CATSPERE: variants seen among roughly 807,000 people sequenced by gnomAD.
CATSPERE encodes cation channel sperm-associated auxiliary subunit epsilon.
CATSPERE carries 93 observed loss-of-function variants against 114.1 expected under a neutral mutation model. The ratio of observed to expected loss-of-function variants is 0.81; its 90% CI spans 0.69 to 0.97. The LOEUF (loss-of-function observed/expected upper bound fraction) is 0.97. CATSPERE is among the 50% of genes least tolerant of loss of function. CATSPERE has a pLI of 0.00. For missense variants in CATSPERE, 1,058 were observed against 1,131.6 expected, an observed-to-expected ratio of 0.93 and a Z score of 0.93; for synonymous variants, 341 against 384.1, an observed-to-expected ratio of 0.89 and a Z score of 1.31.
intron 19 of CATSPERE, among the ~76,000 whole-genome samples, chr1:244,615,547 C>T (rs2653149): frequency 0.14 from 21,068 of 151,094 alleles, 1,861 homozygotes; most frequent in East Asian, 0.29. Context: ...GCCACAAACA[C>T]GCACAGCATG....
intron 21 of CATSPERE, among the ~76,000 whole-genome samples, chr1:244,637,230 G>A (rs758918549): frequency 2.0e-5 from 3 of 152,026 alleles, no homozygotes; most frequent in Non-Finnish European, 2.9e-5. Flanking sequence ...CATGGCGTCC[G>A]CTGCAGCCCC....
At position 244,572,567 on chromosome 1, in the gene CATSPERE, A is replaced by T. The variant is rs377617129; in HGVS notation, c.1745A>T (p.Lys582Ile). 21 of 1,614,016 alleles carry T rather than the reference A, an allele frequency of 1.3e-5. No homozygotes were observed. The highest frequency in any genetic ancestry group is 1.8e-5 in the Non-Finnish European group (21 of 1,180,000). ...AQSIAFTTKD[K>I]CPYMAFHNNV... ...AGTATAGCTTTCACAACAAAAGACA[A>T]ATGCCCATACATGGCATTTCATAAC... Residue 582 changes from lysine (K) to isoleucine (I), a missense_variant, in exon 11 of 22, where the codon AAA becomes ATA. By Grantham distance (102) the Lys-to-Ile change is moderately radical. This residue lies in a region of CATSPERE where 787 missense variants were observed against 905.6 expected (regional missense o/e 0.87). Transcript: ENST00000366534.
intron 20 of CATSPERE, among the ~76,000 whole-genome samples, chr1:244,621,556 A>C (rs933206367): frequency 6.6e-6 from 1 of 151,602 alleles, no homozygotes; most frequent in Non-Finnish European, 1.5e-5. Flanking sequence ...CGAAAGGAAA[A>C]GCGCCAACCA....
At chr1:244,597,274 A>G (rs921367482) in intron 17 of CATSPERE, among the ~76,000 whole-genome samples, 3 of 152,042 alleles carry the variant, frequency 2.0e-5, no homozygotes, top group African/African-American at 7.2e-5. Flanking sequence ...TCTCTCCCAA[A>G]TCGCCCTCAG....
rs986184116 is a variant in CATSPERE at position 244,504,740 on chromosome 1, C to T, written c.429+5661C>T. On this transcript the variant is annotated intron_variant, in intron 7 of 21. Transcript: ENST00000366534. This position sits in a 1 kb window ranked among gnomAD's most constrained non-coding sequence, Gnocchi z 4.1. ...AAGACCGCAGAAGTAAAGTGGCATTCCCATTACGCGCAATCAAGGGCGCAT... is the reference window on the plus strand; with the variant it reads ...AAGACCGCAGAAGTAAAGTGGCATTTCCATTACGCGCAATCAAGGGCGCAT... 1.3e-5 allele frequency among the ~76,000 whole-genome samples: 2 copies of T among 152,176 alleles called. No individual in the cohort carries two copies. The highest frequency in any genetic ancestry group is 2.9e-5 in the Non-Finnish European group (2 of 68,040).
chr1:244,621,727 A>G (rs1032090962), intron 20 of CATSPERE, among the ~76,000 whole-genome samples: 1 of 152,174 alleles, frequency 6.6e-6, no homozygotes, highest in Non-Finnish European at 1.5e-5. Context: ...CTCTGAAAGT[A>G]TGATGAAAGA....
chr1:244,463,794 G>A, intron 1 of CATSPERE, 114 bp from the exon 2 acceptor site: 1 of 882,816 alleles, frequency 1.1e-6, no homozygotes, highest in Non-Finnish European at 1.9e-6. Context: ...GGAAGGGAAT[G>A]AGGCAGAAAG....
At chr1:244,597,497 G>T (rs886814313) in intron 17 of CATSPERE, among the ~76,000 whole-genome samples, 15 of 146,914 alleles carry the variant, frequency 1.0e-4, no homozygotes, top group African/African-American at 3.8e-4. Flanking sequence ...TTCCTTGCTG[G>T]TAGCACCCCC....
intron 11 of CATSPERE, among the ~76,000 whole-genome samples, chr1:244,576,614 A>G (rs1227543623): frequency 1.3e-5 from 2 of 152,040 alleles, no homozygotes; most frequent in African/African-American, 4.8e-5. Context: ...AACAATAGGT[A>G]TAAATATACT....
intron 2 of CATSPERE, among the ~76,000 whole-genome samples, chr1:244,466,171 A>G (rs888891253): frequency 6.6e-6 from 1 of 152,206 alleles, no homozygotes; most frequent in African/African-American, 2.4e-5. Flanking sequence ...GGATTTTGGG[A>G]AAACCCCACA....
intron 8 of CATSPERE, among the ~76,000 whole-genome samples, chr1:244,544,841 C>G (rs1659465430): frequency 6.6e-6 from 1 of 152,214 alleles, no homozygotes; most frequent in Admixed American, 6.5e-5. Flanking sequence ...TTAACACATT[C>G]CTTGCTACAT....
intron 2 of CATSPERE, among the ~76,000 whole-genome samples, chr1:244,474,120 C>T (rs892590109): frequency 6.6e-6 from 1 of 152,086 alleles, no homozygotes; most frequent in African/African-American, 2.4e-5. Context: ...CAACCTCCGA[C>T]TCCCAGGTTC....
At chr1:244,623,602 TAC>T (rs1488177853) in intron 20 of CATSPERE, among the ~76,000 whole-genome samples, 3 of 152,142 alleles carry the variant, frequency 2.0e-5, no homozygotes, top group Non-Finnish European at 2.9e-5. Context: ...TGGATTCATA[TAC>T]ACAGAGAAGG....
chr1:244,585,147 G>T (rs961519017), intron 13 of CATSPERE, among the ~76,000 whole-genome samples: 1 of 152,116 alleles, frequency 6.6e-6, no homozygotes, highest in African/African-American at 2.4e-5. Context: ...CCTGAGTTCA[G>T]ATCCACATTC....
intron 2 of CATSPERE, 63 bp from the exon 3 acceptor site, chr1:244,477,478 C>G: frequency 1.1e-6 from 1 of 885,334 alleles, no homozygotes; most frequent in Middle Eastern, 2.2e-4. Context: ...AATCCTACAA[C>G]GGAACCCTGA....
intron 20 of CATSPERE, among the ~76,000 whole-genome samples, chr1:244,632,017 G>T (rs538926333): frequency 3.9e-5 from 6 of 152,162 alleles, no homozygotes; most frequent in African/African-American, 1.4e-4. Context: ...GCAGTGAGCT[G>T]TGATGGTGCC....
At chr1:244,631,759 CACTT>C (rs1363944361) in intron 20 of CATSPERE, among the ~76,000 whole-genome samples, 10 of 152,204 alleles carry the variant, frequency 6.6e-5, no homozygotes, top group African/African-American at 2.4e-4. Context: ...TACCACTACA[CACTT>C]ACTAGAGTGG....
At chr1:244,492,181 T>C (rs867242812) in intron 6 of CATSPERE, among the ~76,000 whole-genome samples, 349 of 151,688 alleles carry the variant, frequency 2.3e-3, no homozygotes, top group African/African-American at 7.7e-3. Flanking sequence ...TGAACATTGA[T>C]GCAAAAATCC....
chr1:244,482,126 A>T (rs1670363771), intron 5 of CATSPERE, among the ~76,000 whole-genome samples: 1 of 152,166 alleles, frequency 6.6e-6, no homozygotes, highest in Admixed American at 6.5e-5. Flanking sequence ...TCTGTAATAT[A>T]TATTGTAAGA....
Sources: gnomAD v4.1 joint callset for allele counts (sites outside exome capture counted in the v4.1 genomes callset) on GRCh38, gnomAD v4.1.1 for gene constraint, gnomAD v4.1.1 regional missense constraint, Gnocchi (gnomAD v3.1) non-coding constraint, MANE v1.5 for transcripts, NCBI Gene and HGNC (gene_info 2026-07-23, HGNC 2026-07-21) for gene names.